PCDHGA5: variants seen among roughly 807,000 people sequenced by gnomAD.
PCDHGA5 encodes protocadherin gamma-A5.
Under a neutral mutation model 56.7 loss-of-function variants are expected in PCDHGA5, and 36 were observed. The observed-to-expected ratio is 0.64, with a 90% CI of 0.49 to 0.84. The LOEUF is 0.84. Ranked by LOEUF, PCDHGA5 falls within the 40% of genes least tolerant of loss-of-function variation. The pLI, the probability that PCDHGA5 is intolerant of heterozygous loss-of-function variation, is 0.00. For missense variants in PCDHGA5, 1,305 were observed against 1,201.5 expected (o/e 1.09, Z -1.27); for synonymous variants, 563 against 520.2 (o/e 1.08, Z -1.12).
Position 141,486,178 on chromosome 5 carries a change from C to T in PCDHGA5, c.2422-8629C>T, listed in dbSNP as rs767840363. The T allele has an allele frequency of 1.1e-5, 17 of 1,614,076 alleles. No homozygotes were observed. The highest frequency in any genetic ancestry group is 1.4e-5 in the Non-Finnish European group (16 of 1,180,038). ...CTCCAGCCATGGAGCAACATTGCAG[C>T]CTTCGAGTGGATCTGCTGGACGTAA... On this transcript the variant is annotated intron_variant, in intron 1 of 3. Coordinates refer to ENST00000518069, the MANE Select transcript of PCDHGA5 (RefSeq NM_018918.3). The surrounding 1 kb of genome is among the most constrained non-coding windows in gnomAD (Gnocchi z 5.0).
chr5:141,480,651 C>T (rs780138971), intron 1 of PCDHGA5, among the ~76,000 whole-genome samples: 1 of 152,174 alleles, frequency 6.6e-6, no homozygotes, highest in African/African-American at 2.4e-5. Flanking sequence ...CTTGGTTGCA[C>T]ATTAAAATCA....
At chr5:141,407,114 T>C (rs1309229793) in intron 1 of PCDHGA5, among the ~76,000 whole-genome samples, 1 of 152,228 alleles carries the variant, frequency 6.6e-6, no homozygotes, top group Non-Finnish European at 1.5e-5. Flanking sequence ...ATTATTTGGG[T>C]TTCAGTTGCT....
rs770760145 is a variant in PCDHGA5 at position 141,421,951 on chromosome 5, A to C, written c.2421+55200A>C. On this transcript the variant is annotated intron_variant, in intron 1 of 3. Transcript: ENST00000518069. Reference sequence around the variant, plus strand: ...CCTCGATGTAAATGATCACATCCCAATGTTTACACAGTCCGTATATCGCGT... The same window carrying C: ...CCTCGATGTAAATGATCACATCCCACTGTTTACACAGTCCGTATATCGCGT... 1.9e-6 allele frequency: 3 copies of C among 1,612,854 alleles called. No homozygotes were observed. The highest frequency in any genetic ancestry group is 2.5e-6 in the Non-Finnish European group (3 of 1,179,434).
rs1445962676 is a variant in PCDHGA5, at chr5:141,366,102, T to A, written c.1772T>A (p.Val591Glu). 1 of 1,614,084 alleles carries A rather than the reference T, an allele frequency of 6.2e-7. No individual in the cohort carries two copies. The highest frequency in any genetic ancestry group is 1.3e-5 in the African/African-American group (1 of 74,942). ...GAACCTGGCTACCTGGTGACCAAGGTGGTAGCGGTGGACAAAGATTCAGGC... is the reference window on the plus strand; with the variant it reads ...GAACCTGGCTACCTGGTGACCAAGGAGGTAGCGGTGGACAAAGATTCAGGC... Reference protein sequence around the residue: ...SAEPGYLVTKVVAVDKDSGQN... With the variant: ...SAEPGYLVTKEVAVDKDSGQN... The change falls in exon 1 of 4, where the codon GTG becomes GAG. Residue 591 changes from valine (V) to glutamate (E), a missense_variant. Val to Glu is a moderately radical substitution (Grantham distance 121, BLOSUM62 -2). Coordinates refer to ENST00000518069, the MANE Select transcript of PCDHGA5 (RefSeq NM_018918.3).
chr5:141,454,493 A>G (rs1328573277), intron 1 of PCDHGA5, among the ~76,000 whole-genome samples: 1 of 151,866 alleles, frequency 6.6e-6, no homozygotes, highest in Non-Finnish European at 1.5e-5. Context: ...CGCAACCTCC[A>G]CCTCCTGGAT....
Position 141,444,149 on chromosome 5 carries a change from T to C in PCDHGA5, c.2422-50658T>C, listed in dbSNP as rs180678850. On this transcript the variant is annotated intron_variant, in intron 1 of 3. Transcript: ENST00000518069. ...ACAGATATGTGTCACTTGTGTGTAC[T>C]GGATTTTTTTTTTTTTTTTTTTTTT... Among the ~76,000 whole-genome samples, 383 of 136,820 alleles carry C rather than the reference T, an allele frequency of 2.8e-3. 2 individuals carry two copies. Among genetic ancestry groups the C allele is most frequent in the Middle Eastern group, 0.012 (3 of 252 alleles). 89.8% of individuals were successfully genotyped at this position (136,820 alleles called of 152,430 possible). A position where few individuals can be genotyped will look rare whatever the true frequency, so the allele number is the denominator to read the frequency against.
chr5:141,472,335 A>T (rs1033984936), intron 1 of PCDHGA5, among the ~76,000 whole-genome samples: 38 of 151,784 alleles, frequency 2.5e-4, no homozygotes, highest in Non-Finnish European at 2.5e-4. Context: ...AGGTTGGGAG[A>T]TCGAGACCAT....
chr5:141,385,086 A>G, intron 1 of PCDHGA5: 1 of 1,614,206 alleles, frequency 6.2e-7, no homozygotes, highest in African/African-American at 1.3e-5. Context: ...AGGCTTCAGA[A>G]GGTGGCTTGG....
chr5:141,477,775 G>T lies in PCDHGA5; in HGVS notation c.2422-17032G>T. 2 of 1,614,046 alleles carry T rather than the reference G, an allele frequency of 1.2e-6. No individual in the cohort carries two copies. The highest frequency in any genetic ancestry group is 2.7e-5 in the African/African-American group (2 of 75,052). On this transcript the variant is annotated intron_variant, in intron 1 of 3. Transcript: ENST00000518069. The surrounding 1 kb of genome is among the most constrained non-coding windows in gnomAD (Gnocchi z 4.9). ...CGGTCCTAGCCACCAACATCAGCGT[G>T]AACATATTTGTCACTGATCGCAATG...
chr5:141,393,071 C>G (rs927273885), intron 1 of PCDHGA5: 1 of 1,613,680 alleles, frequency 6.2e-7, no homozygotes, highest in Non-Finnish European at 8.5e-7. Context: ...GCTTGATCAC[C>G]GCGGGCAGGA....
At chr5:141,371,658 A>T (rs764550191) in intron 1 of PCDHGA5, 4 of 1,613,920 alleles carry the variant, frequency 2.5e-6, no homozygotes. Context: ...CAATGTGACG[A>T]TCACAGCTAC....
chr5:141,433,220 T>A (rs781745522), intron 1 of PCDHGA5: 2 of 1,509,720 alleles, frequency 1.3e-6, no homozygotes, highest in Non-Finnish European at 1.8e-6. Flanking sequence ...TTTTTTTTTT[T>A]AATTGCTCTG....
chr5:141,413,033 T>G, intron 1 of PCDHGA5: 1 of 776,760 alleles, frequency 1.3e-6, no homozygotes, highest in Non-Finnish European at 2.0e-6. Context: ...ACAAACCGGC[T>G]GCTGGGCTGC....
At chr5:141,430,784 G>T in intron 1 of PCDHGA5, 1 of 1,512,418 alleles carries the variant, frequency 6.6e-7, no homozygotes, top group East Asian at 2.3e-5. Flanking sequence ...ACTGCACCGG[G>T]ACTACAAAGG....
intron 1 of PCDHGA5, among the ~76,000 whole-genome samples, chr5:141,470,239 A>G (rs978204909): frequency 1.3e-5 from 2 of 152,232 alleles, no homozygotes; most frequent in African/African-American, 2.4e-5. Flanking sequence ...AAACCCTTGA[A>G]TGTCCCACCT....
intron 1 of PCDHGA5, chr5:141,420,119 T>C: frequency 6.2e-7 from 1 of 1,614,044 alleles, no homozygotes; most frequent in Non-Finnish European, 8.5e-7. Context: ...TGCCTATAAT[T>C]TTTGTGTGCC....
At position 141,476,359 on chromosome 5, in the gene PCDHGA5, G is replaced by A; in HGVS notation, c.2422-18448G>A. On this transcript the variant is annotated intron_variant, in intron 1 of 3. Coordinates refer to ENST00000518069, the MANE Select transcript of PCDHGA5 (RefSeq NM_018918.3). This position sits in a 1 kb window ranked among gnomAD's most constrained non-coding sequence, Gnocchi z 7.6. ...GCCGAAGATTCTTTGAGGTGAACCG[G>A]GAGACCGGAGAGATGTTTGTGAACG... The A allele has an allele frequency of 6.2e-7, 1 of 1,614,170 alleles. No individual in the cohort carries two copies. The highest frequency in any genetic ancestry group is 8.5e-7 in the Non-Finnish European group (1 of 1,180,020).
At chr5:141,376,298 C>T in intron 1 of PCDHGA5, 1 of 1,614,206 alleles carries the variant, frequency 6.2e-7, no homozygotes, top group South Asian at 1.1e-5. Context: ...GCCCGGCTCG[C>T]ACTTTGTGGG....
At chr5:141,417,950 GAGCCGATCCGCT>G (rs1361985861) in intron 1 of PCDHGA5, 1 of 1,613,484 alleles carries the variant, frequency 6.2e-7, no homozygotes, top group African/African-American at 1.3e-5. Context: ...CACGCTGTGT[GAGCCGATCCGCT>G]ACTCGATTCC....
Sources: gnomAD v4.1 joint callset for allele counts (sites outside exome capture counted in the v4.1 genomes callset) on GRCh38, gnomAD v4.1.1 for gene constraint, Gnocchi (gnomAD v3.1) non-coding constraint, MANE v1.5 for transcripts, NCBI Gene and HGNC (gene_info 2026-07-23, HGNC 2026-07-21) for gene names.